MYZAP: variants seen among roughly 807,000 people sequenced by gnomAD.
MYZAP encodes GRINL1A complex locus upstream.
MYZAP carries 66 observed loss-of-function variants against 69.4 expected under a neutral mutation model. The observed-to-expected ratio is 0.95, with a 90% confidence interval of 0.78 to 1.17. MYZAP has a LOEUF of 1.17. Ranked by LOEUF, MYZAP falls within the 50% of genes most tolerant of loss-of-function variation. The pLI, the probability that MYZAP is intolerant of heterozygous loss-of-function variation, is 0.00. For synonymous variants in MYZAP, 256 were observed against 205.9 expected (o/e 1.24, Z -2.09); for missense variants, 611 against 556.2 (o/e 1.10, Z -0.99).
rs560533564 is a variant in MYZAP at position 57,678,713 on chromosome 15, C to T, written c.1304+3645C>T. On this transcript the variant is annotated intron_variant, in intron 12 of 12. Transcript: ENST00000267853. The stretch of plus-strand genomic sequence containing the variant: ...TTGATAAGGTCTCTGTCAGCTAAGA[C>T]CTGAGAGTGGCCCCTGCGTGCTGTA... 1.2e-4 allele frequency among the ~76,000 whole-genome samples: 18 copies of T among 152,262 alleles called. No homozygotes were observed. In the South Asian group the frequency reaches 3.3e-3, roughly 28 times the overall value.
At chr15:57,681,487 A>G (rs2039438025) in intron 12 of MYZAP, among the ~76,000 whole-genome samples, 1 of 152,232 alleles carries the variant, frequency 6.6e-6, no homozygotes, top group East Asian at 1.9e-4. Flanking sequence ...AACAAGTGCA[A>G]TAAGATGCTA....
intron 12 of MYZAP, among the ~76,000 whole-genome samples, chr15:57,680,039 T>C (rs1259165582): frequency 6.6e-6 from 1 of 152,240 alleles, no homozygotes; most frequent in Admixed American, 6.5e-5. Flanking sequence ...GATTCTCATC[T>C]TGAAAAGGAT....
intron 5 of MYZAP, among the ~76,000 whole-genome samples, chr15:57,628,107 C>A (rs1442647385): frequency 4.6e-5 from 7 of 152,156 alleles, no homozygotes; most frequent in Admixed American, 4.6e-4. Context: ...CAGTGCCCAA[C>A]ACCAGGGTTT....
chr15:57,679,282 G>T (rs2039302964), intron 12 of MYZAP, among the ~76,000 whole-genome samples: 1 of 149,602 alleles, frequency 6.7e-6, no homozygotes, highest in Non-Finnish European at 1.5e-5. Context: ...ATTATCACAT[G>T]ATTTATTTAT....
At chr15:57,654,849 AT>A (rs1443179497) in intron 10 of MYZAP, among the ~76,000 whole-genome samples, 2 of 152,062 alleles carry the variant, frequency 1.3e-5, no homozygotes, top group African/African-American at 4.8e-5. Flanking sequence ...TGGTTGACGT[AT>A]AAGCTCTTTT....
chr15:57,597,000 G>C (rs2034104821), intron 1 of MYZAP, among the ~76,000 whole-genome samples: 1 of 152,174 alleles, frequency 6.6e-6, no homozygotes, highest in South Asian at 2.1e-4. Flanking sequence ...GTTAAAAACA[G>C]AAATCTCACC....
intron 10 of MYZAP, among the ~76,000 whole-genome samples, chr15:57,658,646 G>C (rs1236874584): frequency 2.6e-5 from 4 of 152,154 alleles, no homozygotes; most frequent in African/African-American, 9.7e-5. Context: ...CACCTTTTCG[G>C]AAAGGCAAGA....
At chr15:57,609,501 T>G (rs1393160415) in intron 2 of MYZAP, among the ~76,000 whole-genome samples, 1 of 152,198 alleles carries the variant, frequency 6.6e-6, no homozygotes, top group Non-Finnish European at 1.5e-5. Flanking sequence ...TTTCCCCTTT[T>G]TATAGGGACA....
At chr15:57,622,328 G>A (rs2035868860) in intron 4 of MYZAP, among the ~76,000 whole-genome samples, 1 of 152,072 alleles carries the variant, frequency 6.6e-6, no homozygotes, top group South Asian at 2.1e-4. Context: ...GGAAGATTCA[G>A]CATCATAAGA....
intron 12 of MYZAP, among the ~76,000 whole-genome samples, chr15:57,679,770 C>A (rs987969090): frequency 4.6e-5 from 7 of 152,210 alleles, no homozygotes; most frequent in Non-Finnish European, 1.0e-4. Flanking sequence ...CACCTCTCCC[C>A]TCTGTGGCTG....
intron 12 of MYZAP, among the ~76,000 whole-genome samples, chr15:57,683,320 C>T (rs1163906693): frequency 6.6e-6 from 1 of 152,138 alleles, no homozygotes; most frequent in African/African-American, 2.4e-5. Flanking sequence ...ATTTGAAGGG[C>T]AAATGGATGC....
At position 57,651,196 on chromosome 15, in the gene MYZAP, A is replaced by AT. The variant is rs552351325; in HGVS notation, c.1120-10248dup. ...CTTTAGGAAGCGCTTCCAAAATGCAATTTTTTAGCATCAGCTTTGTGCCAG... is the reference window on the plus strand; with the variant it reads ...CTTTAGGAAGCGCTTCCAAAATGCAATTTTTTTAGCATCAGCTTTGTGCCAG... On this transcript the variant is annotated intron_variant, in intron 10 of 12. Coordinates refer to ENST00000267853, the MANE Select transcript of MYZAP (RefSeq NM_001018100.5). 1.1e-3 allele frequency among the ~76,000 whole-genome samples: 169 copies of AT among 152,234 alleles called. 1 individual carries two copies. Among genetic ancestry groups the AT allele is most frequent in the African/African-American group, 3.6e-3 (148 of 41,542 alleles).
intron 1 of MYZAP, among the ~76,000 whole-genome samples, chr15:57,594,814 G>A (rs2033948923): frequency 6.6e-6 from 1 of 152,178 alleles, no homozygotes; most frequent in Admixed American, 6.5e-5. Context: ...GGAACGGGAT[G>A]TCCTGAAAGT....
At chr15:57,659,518 C>A (rs2038172683) in intron 10 of MYZAP, among the ~76,000 whole-genome samples, 1 of 152,070 alleles carries the variant, frequency 6.6e-6, no homozygotes, top group Non-Finnish European at 1.5e-5. Flanking sequence ...AATCTTGGTT[C>A]CAAACATGAT....
chr15:57,609,204 T>C (rs1418801531), intron 2 of MYZAP, among the ~76,000 whole-genome samples: 1 of 152,226 alleles, frequency 6.6e-6, no homozygotes, highest in Non-Finnish European at 1.5e-5. Context: ...ACATAGTAGG[T>C]GCTTAATGAA....
intron 10 of MYZAP, among the ~76,000 whole-genome samples, chr15:57,640,521 T>G (rs2037087516): frequency 6.6e-6 from 1 of 152,232 alleles, no homozygotes; most frequent in African/African-American, 2.4e-5. Flanking sequence ...TATGTTTTAT[T>G]AATGAATTAT....
chr15:57,633,674 A>C lies in MYZAP; in HGVS notation c.866A>C (p.Glu289Ala). The C allele has an allele frequency of 6.2e-7, 1 of 1,613,692 alleles. No individual in the cohort carries two copies. The highest frequency in any genetic ancestry group is 8.5e-7 in the Non-Finnish European group (1 of 1,179,840). The change falls in exon 8 of 13, where the codon GAG becomes GCG. Residue 289 changes from glutamate to alanine, a missense_variant. Coordinates refer to ENST00000267853, the MANE Select transcript of MYZAP (RefSeq NM_001018100.5). ...GCCAATAAAAAGATGCAAGCAGCAG[A>C]GATCAGCCTAGAGGAGAAAGACCAG... ...EEANKKMQAA[E>A]ISLEEKDQRI...
At chr15:57,680,904 A>C (rs2039399951) in intron 12 of MYZAP, 1 of 152,238 alleles carries the variant, frequency 6.6e-6, no homozygotes, top group Non-Finnish European at 1.5e-5. Context: ...CCCCAGGGGA[A>C]CTGCCCCTTT....
At chr15:57,596,673 C>T (rs1444296059) in intron 1 of MYZAP, among the ~76,000 whole-genome samples, 2 of 152,240 alleles carry the variant, frequency 1.3e-5, no homozygotes, top group East Asian at 1.9e-4. Flanking sequence ...GTTCACACTC[C>T]TTAGTGTAGC....
Sources: allele counts gnomAD v4.1 joint callset (sites outside exome capture counted in the v4.1 genomes callset), GRCh38; gene constraint gnomAD v4.1.1; transcripts MANE v1.5; gene names NCBI Gene and HGNC (gene_info 2026-07-23, HGNC 2026-07-21).